The following NWD2 variants were observed in gnomAD, a reference collection of about 807,000 sequenced individuals.
The protein encoded by NWD2 is NACHT and WD repeat domain-containing protein 2.
Under a neutral mutation model 132.7 loss-of-function variants are expected in NWD2, and 37 were observed. The ratio of observed to expected loss-of-function variants is 0.28; its 90% CI spans 0.21 to 0.37. The LOEUF (loss-of-function observed/expected upper bound fraction) is 0.37, where lower values mean the gene tolerates loss of function less well. Among genes scored for constraint, NWD2 ranks in the 10% least tolerant of loss-of-function variants. The pLI, the probability that NWD2 is intolerant of heterozygous loss-of-function variation, is 1.00. For missense variants in NWD2, 1,592 were observed against 2,122.4 expected (o/e 0.75, Z 4.91); for synonymous variants, 705 against 803.0 (o/e 0.88, Z 2.06).
chr4:37,348,105 T>C (rs1199143712), intron 2 of NWD2, among the ~76,000 whole-genome samples: 1 of 152,212 alleles, frequency 6.6e-6, no homozygotes, highest in Non-Finnish European at 1.5e-5. Flanking sequence ...AAATGGAGTA[T>C]GATCCCTAGT....
intron 1 of NWD2, among the ~76,000 whole-genome samples, chr4:37,293,145 T>G (rs1166743044): frequency 6.6e-6 from 1 of 152,220 alleles, no homozygotes; most frequent in African/African-American, 2.4e-5. Flanking sequence ...AATAAGCCAA[T>G]ATTTGTTGTT....
chr4:37,363,355 A>T (rs1720021780), intron 3 of NWD2, among the ~76,000 whole-genome samples: 1 of 152,230 alleles, frequency 6.6e-6, no homozygotes. Context: ...ATGTACTCAC[A>T]TGTTCATCAC....
At chr4:37,354,608 G>T (rs1719833770) in intron 2 of NWD2, among the ~76,000 whole-genome samples, 1 of 152,014 alleles carries the variant, frequency 6.6e-6, no homozygotes, top group African/African-American at 2.4e-5. Context: ...TTCAACCAAG[G>T]CTATTATTGT....
At chr4:37,297,566 A>G (rs1409462950) in intron 1 of NWD2, among the ~76,000 whole-genome samples, 2 of 152,206 alleles carry the variant, frequency 1.3e-5, no homozygotes, top group Non-Finnish European at 2.9e-5. Flanking sequence ...CAGTATTACC[A>G]TCTATACATT....
chr4:37,367,919 A>G (rs1197957722), intron 3 of NWD2, among the ~76,000 whole-genome samples: 1 of 152,048 alleles, frequency 6.6e-6, no homozygotes, highest in Non-Finnish European at 1.5e-5. Flanking sequence ...CTACCAGCAG[A>G]CCCTAAATGG....
chr4:37,402,300 A>T (rs962874889), intron 3 of NWD2, among the ~76,000 whole-genome samples: 15 of 152,356 alleles, frequency 9.8e-5, no homozygotes, highest in African/African-American at 3.6e-4. Flanking sequence ...AAAACCCACT[A>T]GAATAGCACC....
chr4:37,255,229 C>T (rs1025291924), intron 1 of NWD2, among the ~76,000 whole-genome samples: 1 of 152,180 alleles, frequency 6.6e-6, no homozygotes, highest in Non-Finnish European at 1.5e-5. Context: ...GGGATGTTTA[C>T]ATTCAAAGGC....
chr4:37,273,743 A>C (rs1717926549), intron 1 of NWD2, among the ~76,000 whole-genome samples: 1 of 152,210 alleles, frequency 6.6e-6, no homozygotes, highest in Non-Finnish European at 1.5e-5. Context: ...CTTAGACCAC[A>C]GTGCAATCAA....
chr4:37,413,919 A>C (rs1160913716), intron 3 of NWD2, among the ~76,000 whole-genome samples: 2 of 152,138 alleles, frequency 1.3e-5, no homozygotes, highest in African/African-American at 2.4e-5. Flanking sequence ...GGAGTTGAAC[A>C]ATGAGAACAC....
chr4:37,296,459 G>T (rs570387587), intron 1 of NWD2, among the ~76,000 whole-genome samples: 1 of 152,296 alleles, frequency 6.6e-6, no homozygotes, highest in East Asian at 1.9e-4. Flanking sequence ...ATCAGCTGAT[G>T]AGTGGATAAA....
chr4:37,331,536 C>T (rs890505551), intron 2 of NWD2, among the ~76,000 whole-genome samples: 2 of 150,542 alleles, frequency 1.3e-5, no homozygotes, highest in Non-Finnish European at 3.0e-5. Context: ...TATACAATAC[C>T]ACCAGAATCA....
chr4:37,335,177 T>G (rs1406155640), intron 2 of NWD2, among the ~76,000 whole-genome samples: 1 of 151,822 alleles, frequency 6.6e-6, no homozygotes, highest in Non-Finnish European at 1.5e-5. Flanking sequence ...CGAGGTCTTA[T>G]CTGTGACTCT....
intron 6 of NWD2, among the ~76,000 whole-genome samples, chr4:37,441,995 G>A (rs75007123): frequency 3.9e-5 from 6 of 152,176 alleles, no homozygotes; most frequent in South Asian, 4.2e-4. Flanking sequence ...GAAACAAACC[G>A]GTGTTTTCAG....
chr4:37,326,104 G>A, intron 2 of NWD2, 80 bp downstream of exon 2: 1 of 925,344 alleles, frequency 1.1e-6, no homozygotes, highest in Non-Finnish European at 1.6e-6. Context: ...CTTGAGTGTT[G>A]TAAAAGACAA....
At chr4:37,378,471 C>T (rs777439582) in intron 3 of NWD2, among the ~76,000 whole-genome samples, 3 of 152,294 alleles carry the variant, frequency 2.0e-5, no homozygotes, top group Middle Eastern at 3.4e-3. Context: ...ATTCCAAGAA[C>T]GGAAGGAAGT....
chr4:37,409,043 G>C (rs1372772848), intron 3 of NWD2, among the ~76,000 whole-genome samples: 1 of 152,134 alleles, frequency 6.6e-6, no homozygotes, highest in Non-Finnish European at 1.5e-5. Flanking sequence ...AATCCACAAA[G>C]ATGGGGAGAA....
rs1712609578 is a variant in NWD2, at chr4:37,445,530, A to G, written c.3542A>G (p.Asp1181Gly). 6.4e-7 allele frequency: 1 copy of G among 1,552,036 alleles called. No homozygotes were observed. The highest frequency in any genetic ancestry group is 8.7e-7 in the Non-Finnish European group (1 of 1,147,084). ...GACATTTCCAGCCCCCAGCTGACTG[A>G]TGACTTTGATTGCCGAAGAGAAGAC... ...TEDISSPQLT[D>G]DFDCRREDSE... The change falls in exon 7 of 7, where the codon GAT becomes GGT. Residue 1181 changes from aspartate (D) to glycine (G), a missense_variant. Transcript: ENST00000309447. This position sits in a 1 kb window ranked among gnomAD's most constrained non-coding sequence, Gnocchi z 4.7.
intron 1 of NWD2, among the ~76,000 whole-genome samples, chr4:37,314,921 C>T (rs1016524763): frequency 2.0e-5 from 3 of 152,116 alleles, no homozygotes; most frequent in Non-Finnish European, 2.9e-5. Context: ...CTAACCACTG[C>T]TTTAGCTCCA....
At chr4:37,412,857 C>T (rs980279487) in intron 3 of NWD2, among the ~76,000 whole-genome samples, 2 of 152,306 alleles carry the variant, frequency 1.3e-5, no homozygotes, top group African/African-American at 4.8e-5. Flanking sequence ...CTTTGACAAT[C>T]CTGACACAAA....
Sources: allele counts gnomAD v4.1 joint callset (sites outside exome capture counted in the v4.1 genomes callset), GRCh38; gene constraint gnomAD v4.1.1; non-coding constraint Gnocchi (gnomAD v3.1); transcripts MANE v1.5; gene names NCBI Gene and HGNC (gene_info 2026-07-23, HGNC 2026-07-21).